The following PDZRN4 variants were observed in gnomAD, a reference collection of about 807,000 sequenced individuals.
PDZRN4 encodes PDZ domain-containing RING finger protein 4.
A neutral mutation model predicts 99.0 loss-of-function variants in PDZRN4; 70 were observed. That is an observed-to-expected ratio of 0.71 (90% CI 0.58 to 0.86). The LOEUF (loss-of-function observed/expected upper bound fraction) is 0.86. Among genes scored for constraint, PDZRN4 ranks in the 40% least tolerant of loss-of-function variants. The pLI is 0.00. For synonymous variants in PDZRN4, 551 were observed against 501.6 expected, an observed-to-expected ratio of 1.10 and a Z score of -1.32; for missense variants, 1,474 against 1,331.2, an observed-to-expected ratio of 1.11 and a Z score of -1.67.
rs567268865 is a variant in PDZRN4, at chr12:41,530,583, T to G, written c.1203+20670T>G. 1.3e-3 allele frequency among the ~76,000 whole-genome samples: 196 copies of G among 152,332 alleles called. 1 individual carries two copies. Among genetic ancestry groups the G allele is most frequent in the Non-Finnish European group, 2.4e-3 (160 of 68,028 alleles). ...ATTACAATGTGCTGTGAACATTCTT[T>G]TATGCATAGACTGGTGCATATTAAT... On this transcript the variant is annotated intron_variant, in intron 5 of 9. Transcript: ENST00000402685.
chr12:41,225,744 C>T (rs1284313266), intron 3 of PDZRN4, among the ~76,000 whole-genome samples: 1 of 152,016 alleles, frequency 6.6e-6, no homozygotes, highest in Non-Finnish European at 1.5e-5. Flanking sequence ...CAATACAAGC[C>T]CAAGCCATTT....
chr12:41,316,714 T>C (rs886075828), intron 3 of PDZRN4, among the ~76,000 whole-genome samples: 2 of 151,952 alleles, frequency 1.3e-5, no homozygotes, highest in Admixed American at 1.3e-4. Flanking sequence ...TTTAATCCAA[T>C]TACCTCCTAT....
At chr12:41,460,203 A>G (rs1467503820) in intron 3 of PDZRN4, 1 of 618,764 alleles carries the variant, frequency 1.6e-6, no homozygotes, top group Non-Finnish European at 2.3e-6. Context: ...TATATTGAAT[A>G]TCCTAGTCAG....
At chr12:41,473,385 A>G (rs902674948) in intron 3 of PDZRN4, 2 of 152,170 alleles carry the variant, frequency 1.3e-5, no homozygotes, top group Non-Finnish European at 2.9e-5. Flanking sequence ...AAATGATACC[A>G]CTCAGGAAAT....
At chr12:41,298,834 T>G (rs2120925876) in intron 3 of PDZRN4, among the ~76,000 whole-genome samples, 1 of 152,278 alleles carries the variant, frequency 6.6e-6, no homozygotes. Flanking sequence ...TTGGGGAGAA[T>G]ATTCTTTTTC....
chr12:41,260,718 C>T (rs1368384060), intron 3 of PDZRN4, among the ~76,000 whole-genome samples: 6 of 151,094 alleles, frequency 4.0e-5, no homozygotes, highest in Non-Finnish European at 1.5e-5. Flanking sequence ...TAAGGTGATG[C>T]TATTATATAT....
chr12:41,345,681 G>T (rs10785240), intron 3 of PDZRN4, among the ~76,000 whole-genome samples: 57,096 of 151,932 alleles, frequency 0.38, 10,802 homozygotes, highest in Non-Finnish European at 0.39. Flanking sequence ...TAATTTGATC[G>T]AGACAGTGTT....
At chr12:41,394,778 T>TGA (rs112076468) in intron 3 of PDZRN4, among the ~76,000 whole-genome samples, 200 of 146,892 alleles carry the variant, frequency 1.4e-3, no homozygotes, top group African/African-American at 4.2e-3. Flanking sequence ...TTAGAGTAAA[T>TGA]GAGAGAGAGA....
chr12:41,388,120 G>A (rs937688379), intron 3 of PDZRN4, among the ~76,000 whole-genome samples: 8 of 152,140 alleles, frequency 5.3e-5, no homozygotes, highest in African/African-American at 1.9e-4. Context: ...GTCCTTTGCA[G>A]GGATATGGGT....
chr12:41,545,509 A>G (rs943947947), intron 5 of PDZRN4, among the ~76,000 whole-genome samples: 7 of 142,994 alleles, frequency 4.9e-5, no homozygotes, highest in African/African-American at 1.8e-4. Flanking sequence ...GATGATATTA[A>G]TGTGTGTGTG....
At chr12:41,469,659 G>T (rs548344714) in intron 3 of PDZRN4, among the ~76,000 whole-genome samples, 1 of 152,002 alleles carries the variant, frequency 6.6e-6, no homozygotes, top group Non-Finnish European at 1.5e-5. Context: ...TTGCTGGGCA[G>T]GGTGGCTCAC....
chr12:41,313,609 T>C (rs1443542116), intron 3 of PDZRN4, among the ~76,000 whole-genome samples: 1 of 152,146 alleles, frequency 6.6e-6, no homozygotes, highest in East Asian at 1.9e-4. Context: ...TGAGATGACT[T>C]TCTTGACTCT....
chr12:41,409,197 A>G (rs981008827), intron 3 of PDZRN4, among the ~76,000 whole-genome samples: 1 of 152,130 alleles, frequency 6.6e-6, no homozygotes, highest in Non-Finnish European at 1.5e-5. Flanking sequence ...AGAAAACAAA[A>G]ATACCTCTTA....
At chr12:41,365,321 T>C (rs1395353004) in intron 3 of PDZRN4, among the ~76,000 whole-genome samples, 1 of 152,108 alleles carries the variant, frequency 6.6e-6, no homozygotes, top group Non-Finnish European at 1.5e-5. Context: ...ATCAAGTAAT[T>C]GATTGTGCAC....
chr12:41,449,356 T>G (rs1952755820), intron 3 of PDZRN4, among the ~76,000 whole-genome samples: 1 of 152,142 alleles, frequency 6.6e-6, no homozygotes, highest in Non-Finnish European at 1.5e-5. Context: ...TCTCTGGAGG[T>G]CAAAAACCCT....
chr12:41,252,656 C>T (rs1047294807), intron 3 of PDZRN4, among the ~76,000 whole-genome samples: 3 of 152,014 alleles, frequency 2.0e-5, no homozygotes, highest in African/African-American at 7.3e-5. Context: ...AGGAGAATTG[C>T]TTGAACCCGG....
chr12:41,547,318 G>A (rs189537452), intron 5 of PDZRN4, among the ~76,000 whole-genome samples: 3 of 152,264 alleles, frequency 2.0e-5, no homozygotes, highest in Admixed American at 2.0e-4. Context: ...CACAGCAGAA[G>A]TAATGACACA....
chr12:41,558,574 T>A (rs1258545713), intron 7 of PDZRN4, among the ~76,000 whole-genome samples: 2 of 134,998 alleles, frequency 1.5e-5, no homozygotes, highest in East Asian at 4.6e-4. Context: ...ATACTGTATG[T>A]TATGACACTT....
chr12:41,527,489 G>T (rs1163413708), intron 5 of PDZRN4, among the ~76,000 whole-genome samples: 1 of 152,106 alleles, frequency 6.6e-6, no homozygotes, highest in Non-Finnish European at 1.5e-5. Context: ...TAAATGAGGG[G>T]CCAATTTTTA....
Sources: gnomAD v4.1 joint callset for allele counts (sites outside exome capture counted in the v4.1 genomes callset) on GRCh38, gnomAD v4.1.1 for gene constraint, MANE v1.5 for transcripts, NCBI Gene and HGNC (gene_info 2026-07-23, HGNC 2026-07-21) for gene names.